Variants in ADAM11 observed in about 807,000 individuals in gnomAD.
ADAM11 encodes disintegrin and metalloproteinase domain-containing protein 11.
A neutral mutation model predicts 119.1 loss-of-function variants in ADAM11; 49 were observed. The observed-to-expected ratio is 0.41, with a 90% CI of 0.33 to 0.52. ADAM11 has a LOEUF of 0.52. Ranked by LOEUF, ADAM11 falls within the 20% of genes least tolerant of loss-of-function variation. The pLI is 0.20. For synonymous variants in ADAM11, 364 were observed against 408.0 expected, an observed-to-expected ratio of 0.89 and a Z score of 1.30; for missense variants, 777 against 1,047.5, an observed-to-expected ratio of 0.74 and a Z score of 3.56.
rs982323452 is a variant in ADAM11, at chr17:44,778,990, G to A, written c.2277-232G>A. ...CTTAATGTGCAGAGGAGGAACCCAT[G>A]GCCCAAGGTCACATGATTGAGTTAG... is the stretch of plus-strand genomic sequence containing the variant. On this transcript the variant is annotated intron_variant, in intron 25 of 26. Transcript: ENST00000200557. 4.6e-5 allele frequency among the ~76,000 whole-genome samples: 7 copies of A among 152,104 alleles called. No homozygotes were observed. In the East Asian group the frequency reaches 5.8e-4, roughly 13 times the overall value.
At position 44,777,278 on chromosome 17, in the gene ADAM11, G is replaced by A; in HGVS notation, c.1781+13G>A. 1 of 1,590,210 alleles carries A rather than the reference G, an allele frequency of 6.3e-7. No homozygotes were observed. Among genetic ancestry groups the A allele is most frequent in the Non-Finnish European group, 8.5e-7 (1 of 1,170,890 alleles). ...AGTGCAGTAAGCAGTGAGTACTGAG[G>A]CTCCCAGAGGGCCTCTCAGCTCCAG... On this transcript the variant is annotated intron_variant, in intron 21 of 26. Coordinates refer to ENST00000200557, the MANE Select transcript of ADAM11 (RefSeq NM_002390.6). This position sits in a 1 kb window ranked among gnomAD's most constrained non-coding sequence, Gnocchi z 5.1.
chr17:44,776,282 C>A lies in ADAM11; in HGVS notation c.1566+75C>A. 1 of 1,534,236 alleles carries A rather than the reference C, an allele frequency of 6.5e-7. No individual in the cohort carries two copies. The highest frequency in any genetic ancestry group is 9.0e-7 in the Non-Finnish European group (1 of 1,113,538). ...CCCTTGTCGATTTGGTTTTCCCGGACGAGTGCTCAGCACTCCCCTCCTCTC... is the reference window on the plus strand; with the variant it reads ...CCCTTGTCGATTTGGTTTTCCCGGAAGAGTGCTCAGCACTCCCCTCCTCTC... On this transcript the variant is annotated intron_variant, in intron 18 of 26. Transcript: ENST00000200557. The surrounding 1 kb of genome is among the most constrained non-coding windows in gnomAD (Gnocchi z 5.2).
chr17:44,773,483 G>C lies in ADAM11; in HGVS notation c.992+56G>C. ...CCTCTGCTAGTTGCTACAGTGCTTG[G>C]GATTACTTAACACCTGCCCTGTGCT... On this transcript the variant is annotated intron_variant, in intron 11 of 26. Coordinates refer to ENST00000200557, the MANE Select transcript of ADAM11 (RefSeq NM_002390.6). The surrounding 1 kb of genome is among the most constrained non-coding windows in gnomAD (Gnocchi z 4.6). 1.9e-6 allele frequency: 3 copies of C among 1,581,524 alleles called. No homozygotes were observed. The highest frequency in any genetic ancestry group is 2.6e-6 in the Non-Finnish European group (3 of 1,162,822).
chr17:44,772,976 G>C lies in ADAM11; in HGVS notation c.754-38G>C. 1 of 1,614,074 alleles carries C rather than the reference G, an allele frequency of 6.2e-7. No individual in the cohort carries two copies. Among genetic ancestry groups the C allele is most frequent in the Admixed American group, 1.7e-5 (1 of 60,026 alleles). On this transcript the variant is annotated intron_variant, in intron 9 of 26. Coordinates refer to ENST00000200557, the MANE Select transcript of ADAM11 (RefSeq NM_002390.6). The surrounding 1 kb of genome is among the most constrained non-coding windows in gnomAD (Gnocchi z 4.5). Reference sequence around the variant, plus strand: ...CAGGGCGTGACACTGGGAGGCCCCTGAGGAGCCTGGCCCTCCTCCCATTCT... The same window carrying C: ...CAGGGCGTGACACTGGGAGGCCCCTCAGGAGCCTGGCCCTCCTCCCATTCT...
chr17:44,773,521 C>A lies in ADAM11; in HGVS notation c.992+94C>A. ...CCTGCCCTGTGCTGGCTGCTCCTCTCAGAGTCTGGGGACTGGGCTCACCTT... is the reference window on the plus strand; with the variant it reads ...CCTGCCCTGTGCTGGCTGCTCCTCTAAGAGTCTGGGGACTGGGCTCACCTT... On this transcript the variant is annotated intron_variant, in intron 11 of 26. Transcript: ENST00000200557. This position sits in a 1 kb window ranked among gnomAD's most constrained non-coding sequence, Gnocchi z 4.6. 6.8e-7 allele frequency: 1 copy of A among 1,466,196 alleles called. No individual in the cohort carries two copies. Among genetic ancestry groups the A allele is most frequent in the South Asian group, 1.3e-5 (1 of 75,926 alleles). 90.8% of individuals were successfully genotyped at this position (1,466,196 alleles called of 1,614,324 possible).
In ADAM11 at chr17:44,777,167, G is replaced by A. The variant is rs997590199; in HGVS notation, c.1683G>A (p.Ala561=). 6.3e-7 allele frequency: 1 copy of A among 1,599,556 alleles called. No individual in the cohort carries two copies. The highest frequency in any genetic ancestry group is 8.5e-7 in the Non-Finnish European group (1 of 1,174,012). Residue 561 remains alanine, a splice_region_variant and synonymous_variant, in exon 21 of 27, where the codon GCG becomes GCA. Coordinates refer to ENST00000200557, the MANE Select transcript of ADAM11 (RefSeq NM_002390.6). This position sits in a 1 kb window ranked among gnomAD's most constrained non-coding sequence, Gnocchi z 5.1. ...DRQCQVLWGH[A]AADRFCYEKL... is the part of the protein sequence containing the mutation. Reference sequence around the variant, plus strand: ...TCACTTGGCATCCTCTCCCCACAGCGGCTGCTGATCGCTTCTGCTACGAGA... The same window carrying A: ...TCACTTGGCATCCTCTCCCCACAGCAGCTGCTGATCGCTTCTGCTACGAGA...
Position 44,773,350 on chromosome 17 carries a change from C to T in ADAM11, c.915C>T (p.Leu305=). 6.2e-7 allele frequency: 1 copy of T among 1,614,062 alleles called. No individual in the cohort carries two copies. Among genetic ancestry groups the T allele is most frequent in the Non-Finnish European group, 8.5e-7 (1 of 1,180,018 alleles). ...DGDKIQVQDD[L]LETLARLMVY... is the part of the protein sequence containing the mutation. ...ACAAGATCCAGGTGCAGGATGACCT[C>T]CTGGAGACCCTGGCCCGGCTCATGG... Residue 305 remains leucine, a synonymous_variant, in exon 11 of 27, where the codon CTC becomes CTT. Transcript: ENST00000200557. This position sits in a 1 kb window ranked among gnomAD's most constrained non-coding sequence, Gnocchi z 4.6.
At position 44,779,925 on chromosome 17, in the gene ADAM11, C is replaced by G; in HGVS notation, c.*171C>G. ...GGGGGCTGTGGCCCTGCCCTTGGCA[C>G]CACCAGGGTGGACCAGGCCTGGAGG... On this transcript the variant is annotated 3_prime_UTR_variant, in exon 27 of 27. Coordinates refer to ENST00000200557, the MANE Select transcript of ADAM11 (RefSeq NM_002390.6). 6.1e-6 allele frequency: 6 copies of G among 981,828 alleles called. No individual in the cohort carries two copies. Among genetic ancestry groups the G allele is most frequent in the Non-Finnish European group, 9.4e-6 (6 of 639,894 alleles). The allele number at this position is 981,828 out of a possible 1,614,324, so 60.8% of individuals were successfully genotyped here.
At position 44,772,949 on chromosome 17, in the gene ADAM11, G is replaced by A; in HGVS notation, c.753+18G>A. On this transcript the variant is annotated intron_variant, in intron 9 of 26. Coordinates refer to ENST00000200557, the MANE Select transcript of ADAM11 (RefSeq NM_002390.6). This position sits in a 1 kb window ranked among gnomAD's most constrained non-coding sequence, Gnocchi z 4.5. ...ACCAGCTGGTGAGTGCCAGGGCAGG[G>A]ACAGGGCGTGACACTGGGAGGCCCC... 1 of 1,614,128 alleles carries A rather than the reference G, an allele frequency of 6.2e-7. No homozygotes were observed. The highest frequency in any genetic ancestry group is 8.5e-7 in the Non-Finnish European group (1 of 1,180,018).
chr17:44,777,077 G>A lies in ADAM11; in HGVS notation c.1682-89G>A, dbSNP rs1567695318. ...AGTGTGTAGCTCCCCAGGATCTCAG[G>A]GACCCAGGCAGAGTGTGGGAGATGC... On this transcript the variant is annotated intron_variant, in intron 20 of 26. Coordinates refer to ENST00000200557, the MANE Select transcript of ADAM11 (RefSeq NM_002390.6). This position sits in a 1 kb window ranked among gnomAD's most constrained non-coding sequence, Gnocchi z 5.1. 1 of 1,539,834 alleles carries A rather than the reference G, an allele frequency of 6.5e-7. No homozygotes were observed. The highest frequency in any genetic ancestry group is 8.8e-7 in the Non-Finnish European group (1 of 1,135,850).
chr17:44,776,666 A>T lies in ADAM11; in HGVS notation c.1567-79A>T. 6.5e-7 allele frequency: 1 copy of T among 1,528,492 alleles called. No homozygotes were observed. The highest frequency in any genetic ancestry group is 9.0e-7 in the Non-Finnish European group (1 of 1,115,474). 94.7% of individuals were successfully genotyped at this position (1,528,492 alleles called of 1,614,324 possible). On this transcript the variant is annotated intron_variant, in intron 18 of 26. Transcript: ENST00000200557. This position sits in a 1 kb window ranked among gnomAD's most constrained non-coding sequence, Gnocchi z 5.2. ...GAGCCCCCAATGGGGGGCACTTGGT[A>T]CCCCAGCATTCCTCCCTGGGGCAGC...
Position 44,775,538 on chromosome 17 carries a change from G to T in ADAM11, c.1393-46G>T. On this transcript the variant is annotated intron_variant, in intron 16 of 26. Transcript: ENST00000200557. The surrounding 1 kb of genome is among the most constrained non-coding windows in gnomAD (Gnocchi z 7.5). Reference sequence around the variant, plus strand: ...GGCACGAGGGAGCGTCTGAGTGGGAGGATTAGGGCTCGCCCGCCTCCTTCC... The same window carrying T: ...GGCACGAGGGAGCGTCTGAGTGGGATGATTAGGGCTCGCCCGCCTCCTTCC... 6.4e-7 allele frequency: 1 copy of T among 1,565,408 alleles called. No individual in the cohort carries two copies.
Position 44,780,224 on chromosome 17 carries a change from C to T in ADAM11, c.*470C>T, listed in dbSNP as rs756980462. The T allele has an allele frequency of 6.7e-6, 3 of 448,072 alleles. No homozygotes were observed. Among genetic ancestry groups the T allele is most frequent in the Non-Finnish European group, 8.8e-6 (2 of 228,188 alleles). 27.8% of individuals were successfully genotyped at this position (448,072 alleles called of 1,614,324 possible). A position where few individuals can be genotyped will look rare whatever the true frequency, so the allele number is the denominator to read the frequency against. ...GAATCTTAATCGATGAATGTAAACT[C>T]GGGGGTGCTGGGGCCAGGGCAGATG... is the stretch of plus-strand genomic sequence containing the variant. On this transcript the variant is annotated 3_prime_UTR_variant, in exon 27 of 27. Transcript: ENST00000200557.
At chr17:44,771,949 GC>G in intron 6 of ADAM11, 118 bp downstream of exon 6, 1 of 1,196,268 alleles carries the variant, frequency 8.4e-7, no homozygotes, top group Non-Finnish European at 1.2e-6. Flanking sequence ...CAGCCTCACT[GC>G]CCTCTTCAGT....
rs778566304 is a variant in ADAM11, at chr17:44,777,841, G to A, written c.2048G>A (p.Arg683His). ...NFSTCPGSGE[R>H]RICSHHGVCS... The stretch of plus-strand genomic sequence containing the variant: ...AGCACCTGCCCCGGCAGTGGGGAGC[G>A]CCGGATTTGCTCCCACCACGGGGTG... The change falls in exon 23 of 27, where the codon CGC (arginine) becomes CAC (histidine). Residue 683 changes from arginine (R) to histidine (H), a missense_variant. Transcript: ENST00000200557. This position sits in a 1 kb window ranked among gnomAD's most constrained non-coding sequence, Gnocchi z 5.1. The A allele has an allele frequency of 1.1e-5, 18 of 1,613,416 alleles. No homozygotes were observed. The highest frequency in any genetic ancestry group is 1.3e-5 in the African/African-American group (1 of 74,928).
rs927622819 is a variant in ADAM11, at chr17:44,775,168, G to A, written c.1221-44G>A. ...CCAGCCTTGAGAGGGGTGAGGGTGGGTTGGAGGGGAGCAGCCAGCAGCACC... is the reference window on the plus strand; with the variant it reads ...CCAGCCTTGAGAGGGGTGAGGGTGGATTGGAGGGGAGCAGCCAGCAGCACC... On this transcript the variant is annotated intron_variant, in intron 14 of 26. Transcript: ENST00000200557. This position sits in a 1 kb window ranked among gnomAD's most constrained non-coding sequence, Gnocchi z 7.5. 2 of 1,532,288 alleles carry A rather than the reference G, an allele frequency of 1.3e-6. No individual in the cohort carries two copies. The highest frequency in any genetic ancestry group is 1.8e-6 in the Non-Finnish European group (2 of 1,107,722). 94.9% of individuals were successfully genotyped at this position (1,532,288 alleles called of 1,614,324 possible). A position where few individuals can be genotyped will look rare whatever the true frequency, so the allele number is the denominator to read the frequency against.
chr17:44,772,987 C>G lies in ADAM11; in HGVS notation c.754-27C>G. 6.2e-7 allele frequency: 1 copy of G among 1,613,846 alleles called. No homozygotes were observed. Among genetic ancestry groups the G allele is most frequent in the Non-Finnish European group, 8.5e-7 (1 of 1,179,812 alleles). The stretch of plus-strand genomic sequence containing the variant: ...ACTGGGAGGCCCCTGAGGAGCCTGG[C>G]CCTCCTCCCATTCTTCTCTCTCCCA... On this transcript the variant is annotated intron_variant, in intron 9 of 26. Transcript: ENST00000200557. The surrounding 1 kb of genome is among the most constrained non-coding windows in gnomAD (Gnocchi z 4.5).
intron 2 of ADAM11, 120 bp from the exon 3 acceptor site, chr17:44,769,597 TC>T (rs891046571): frequency 6.1e-5 from 42 of 692,202 alleles, no homozygotes; most frequent in Non-Finnish European, 1.0e-4. Flanking sequence ...AAATCAATGG[TC>T]CCCTCAGCTG....
In ADAM11 at chr17:44,770,054, T is replaced by C; in HGVS notation, c.381+6T>C. Reference sequence around the variant, plus strand: ...GGACAACCCAGCACAGCACCGTGAGTGCCACTGCAGGGGACCGGGGCCGGG... The same window carrying C: ...GGACAACCCAGCACAGCACCGTGAGCGCCACTGCAGGGGACCGGGGCCGGG... On this transcript the variant is annotated splice_donor_region_variant and intron_variant, in intron 4 of 26. Coordinates refer to ENST00000200557, the MANE Select transcript of ADAM11 (RefSeq NM_002390.6). 3 of 1,613,782 alleles carry C rather than the reference T, an allele frequency of 1.9e-6. No homozygotes were observed. The South Asian group carries it at 3.3e-5, about 18-fold the overall frequency.
Sources: allele counts gnomAD v4.1 joint callset (sites outside exome capture counted in the v4.1 genomes callset), GRCh38; gene constraint gnomAD v4.1.1; non-coding constraint Gnocchi (gnomAD v3.1); transcripts MANE v1.5; gene names NCBI Gene and HGNC (gene_info 2026-07-23, HGNC 2026-07-21).